COL6A6: variants seen among roughly 807,000 people sequenced by gnomAD.
COL6A6 encodes collagen type VI alpha 6 chain.
COL6A6 carries 183 observed loss-of-function variants against 208.6 expected under a neutral mutation model. The observed-to-expected ratio is 0.88, with a 90% CI of 0.78 to 0.99. The LOEUF (loss-of-function observed/expected upper bound fraction) is 0.99. COL6A6 is among the 50% of genes least tolerant of loss of function. The probability of loss-of-function intolerance (pLI) is 0.00; values close to 1 mark genes in which losing one functional copy is unlikely to be tolerated. For missense variants in COL6A6, 2,816 were observed against 2,815.2 expected (o/e 1.00, Z -0.01); for synonymous variants, 973 against 1,011.8 (o/e 0.96, Z 0.73).
rs138105292 is a variant in COL6A6, at chr3:130,658,630, G to A, written c.5734-46G>A. On this transcript the variant is annotated intron_variant, in intron 33 of 36. Coordinates refer to ENST00000358511, the MANE Select transcript of COL6A6 (RefSeq NM_001102608.3). ...CTCTATGTAGTCCTAAGAGGTTCTTGCAGCCCTACCCACTAAGTTCTTTCT... is the reference window on the plus strand; with the variant it reads ...CTCTATGTAGTCCTAAGAGGTTCTTACAGCCCTACCCACTAAGTTCTTTCT... 4.4e-4 allele frequency: 571 copies of A among 1,294,452 alleles called. 5 individuals carry two copies. The East Asian group carries it at 9.8e-3, about 22-fold the overall frequency. 80.2% of individuals were successfully genotyped at this position (1,294,452 alleles called of 1,614,324 possible).
In COL6A6 at chr3:130,669,848, C is replaced by G. The variant is rs936940375; in HGVS notation, c.6596+4752C>G. 7.2e-5 allele frequency among the ~76,000 whole-genome samples: 11 copies of G among 152,298 alleles called. No homozygotes were observed. The South Asian group carries it at 2.1e-3, about 29-fold the overall frequency. On this transcript the variant is annotated intron_variant, in intron 36 of 36. Coordinates refer to ENST00000358511, the MANE Select transcript of COL6A6 (RefSeq NM_001102608.3). ...AATAAGTGAAATCAAATGGGAGTGTCTCTATTTCTGTGGTAAATTATTCTG... is the reference window on the plus strand; with the variant it reads ...AATAAGTGAAATCAAATGGGAGTGTGTCTATTTCTGTGGTAAATTATTCTG...
rs1267302211 is a variant in COL6A6 at position 130,568,523 on chromosome 3, A to G, written c.2320A>G (p.Met774Val). ...QLEEISGRPE[M>V]VFYVENFDIL... ...TGAGGAGATCAGTGGGAGGCCCGAGATGGTTTTTTATGTTGAGAATTTTGA... is the reference window on the plus strand; with the variant it reads ...TGAGGAGATCAGTGGGAGGCCCGAGGTGGTTTTTTATGTTGAGAATTTTGA... The change falls in exon 6 of 37, where the codon ATG becomes GTG. Residue 774 changes from methionine (M) to valine (V), a missense_variant. Coordinates refer to ENST00000358511, the MANE Select transcript of COL6A6 (RefSeq NM_001102608.3). 1.9e-6 allele frequency: 3 copies of G among 1,612,596 alleles called. No homozygotes were observed. Among genetic ancestry groups the G allele is most frequent in the Non-Finnish European group, 2.5e-6 (3 of 1,179,872 alleles).
intron 1 of COL6A6, among the ~76,000 whole-genome samples, chr3:130,555,580 A>G (rs561212059): frequency 6.6e-6 from 1 of 152,096 alleles, no homozygotes; most frequent in South Asian, 2.1e-4. Context: ...AGAGTGGATC[A>G]CCTTTTCCTT....
At chr3:130,571,922 A>G (rs1277239087) in intron 7 of COL6A6, among the ~76,000 whole-genome samples, 2 of 142,102 alleles carry the variant, frequency 1.4e-5, no homozygotes, top group Non-Finnish European at 3.0e-5. Context: ...GATTCAAGCC[A>G]TCTGCCCCCC....
At chr3:130,669,067 A>AT (rs1308061791) in intron 36 of COL6A6, among the ~76,000 whole-genome samples, 1 of 152,212 alleles carries the variant, frequency 6.6e-6, no homozygotes, top group Non-Finnish European at 1.5e-5. Context: ...TACAATCCAC[A>AT]TTGTCTGACC....
Position 130,563,478 on chromosome 3 carries a change from G to A in COL6A6, c.475G>A (p.Val159Met), listed in dbSNP as rs773211435. The stretch of plus-strand genomic sequence containing the variant: ...ATCAAAGGCCCTGCGGAAAGACGGA[G>A]TGAAAATCATCTCTGTAGGGGTGCA... ...EASKALRKDGVKIISVGVQKA... is the reference protein window; with the variant it reads ...EASKALRKDGMKIISVGVQKA... The change falls in exon 3 of 37, where the codon GTG (valine) becomes ATG (methionine). Residue 159 changes from valine (V) to methionine (M), a missense_variant. Transcript: ENST00000358511. 1.2e-5 allele frequency: 19 copies of A among 1,613,936 alleles called. No homozygotes were observed. The African/African-American group carries it at 1.5e-4, about 12-fold the overall frequency.
intron 1 of COL6A6, among the ~76,000 whole-genome samples, chr3:130,541,823 TTTA>T (rs1354108283): frequency 6.6e-6 from 1 of 152,214 alleles, no homozygotes; most frequent in Non-Finnish European, 1.5e-5. Context: ...GTTTTGGAAG[TTTA>T]TTATTTATTT....
rs1269703296 is a variant in COL6A6 at position 130,589,101 on chromosome 3, T to C, written c.4137T>C (p.Ala1379=). 1.2e-6 allele frequency: 2 copies of C among 1,613,628 alleles called. No homozygotes were observed. Among genetic ancestry groups the C allele is most frequent in the Non-Finnish European group, 1.7e-6 (2 of 1,179,698 alleles). ...TACCCTCTCCCAAGGTCAATGTTGC[T>C]GAAAGGACATGCTGCTGTTTGTTCT... ...SRLSKQLVNV[A]ERTCCCLFCK... Residue 1379 remains alanine (A), a synonymous_variant, in exon 12 of 37, where the codon GCT becomes GCC. Transcript: ENST00000358511.
rs1260879886 is a variant in COL6A6, at chr3:130,566,971, G to A, written c.1552G>A (p.Ala518Thr). Reference sequence around the variant, plus strand: ...GGGTGGGAATACAAACACAGGCGCAGCACTGAATTTCACACTGAGTCTGTT... The same window carrying A: ...GGGTGGGAATACAAACACAGGCGCAACACTGAATTTCACACTGAGTCTGTT... Reference protein sequence around the residue: ...QMGGNTNTGAALNFTLSLLQK... With the variant: ...QMGGNTNTGATLNFTLSLLQK... Residue 518 changes from alanine to threonine, a missense_variant, in exon 5 of 37, where the codon GCA (alanine) becomes ACA (threonine). Transcript: ENST00000358511. 3.1e-6 allele frequency: 5 copies of A among 1,614,066 alleles called. No individual in the cohort carries two copies. Among genetic ancestry groups the A allele is most frequent in the Non-Finnish European group, 4.2e-6 (5 of 1,179,896 alleles).
At chr3:130,549,963 C>T (rs1360608239) in intron 1 of COL6A6, among the ~76,000 whole-genome samples, 1 of 152,012 alleles carries the variant, frequency 6.6e-6, no homozygotes, top group African/African-American at 2.4e-5. Flanking sequence ...AATGTATTTC[C>T]ATTTGTTTGT....
At chr3:130,642,953 G>T in intron 30 of COL6A6, 34 bp from the exon 31 acceptor site, 1 of 1,613,700 alleles carries the variant, frequency 6.2e-7, no homozygotes, top group South Asian at 1.1e-5. Context: ...GCAGTTTGTT[G>T]TTTAATTGTT....
intron 8 of COL6A6, among the ~76,000 whole-genome samples, chr3:130,580,432 T>G (rs983916420): frequency 6.6e-6 from 1 of 152,156 alleles, no homozygotes; most frequent in African/African-American, 2.4e-5. Flanking sequence ...CAATTCTCAT[T>G]AAAAATCAAG....
At chr3:130,531,926 C>T (rs1458654141) in intron 1 of COL6A6, among the ~76,000 whole-genome samples, 1 of 152,022 alleles carries the variant, frequency 6.6e-6, no homozygotes, top group Non-Finnish European at 1.5e-5. Context: ...AAAGAAAAAC[C>T]ATGCCTTTTT....
chr3:130,568,371 G>A lies in COL6A6; in HGVS notation c.2168G>A (p.Arg723Lys). 6.2e-7 allele frequency: 1 copy of A among 1,613,946 alleles called. No individual in the cohort carries two copies. The highest frequency in any genetic ancestry group is 8.5e-7 in the Non-Finnish European group (1 of 1,179,874). The change falls in exon 6 of 37, where the codon AGA (arginine) becomes AAA (lysine). Residue 723 changes from arginine to lysine, a missense_variant. By Grantham distance (26) the Arg-to-Lys change is conservative (BLOSUM62 2). Coordinates refer to ENST00000358511, the MANE Select transcript of COL6A6 (RefSeq NM_001102608.3). ...SPTKGARPNI[R>K]KFLILITDGE... is the part of the protein sequence containing the mutation. ...ACCAAGGGCGCCCGGCCCAACATCAGAAAGTTTCTCATCCTCATCACGGAT... is the reference window on the plus strand; with the variant it reads ...ACCAAGGGCGCCCGGCCCAACATCAAAAAGTTTCTCATCCTCATCACGGAT...
intron 32 of COL6A6, among the ~76,000 whole-genome samples, chr3:130,646,134 TAAAGTA>T (rs1002129472): frequency 1.3e-4 from 20 of 151,880 alleles, no homozygotes; most frequent in Admixed American, 1.2e-3. Context: ...CCCTAAAACT[TAAAGTA>T]TAATAATAAT....
intron 1 of COL6A6, among the ~76,000 whole-genome samples, chr3:130,535,923 C>A (rs2062213675): frequency 6.6e-6 from 1 of 152,160 alleles, no homozygotes; most frequent in Non-Finnish European, 1.5e-5. Flanking sequence ...AGAAAAGTTA[C>A]CTAGCTTCTG....
At chr3:130,552,165 C>T (rs2107804566) in intron 1 of COL6A6, among the ~76,000 whole-genome samples, 1 of 152,164 alleles carries the variant, frequency 6.6e-6, no homozygotes. Flanking sequence ...CCATTTGGTC[C>T]AGTGTCTAGT....
intron 23 of COL6A6, among the ~76,000 whole-genome samples, chr3:130,613,811 C>T (rs1346803154): frequency 3.3e-5 from 5 of 152,052 alleles, no homozygotes; most frequent in Admixed American, 6.6e-5. Context: ...ATTTGGCTCT[C>T]GGCTTGTATG....
At chr3:130,673,279 T>G (rs1397231170) in intron 36 of COL6A6, among the ~76,000 whole-genome samples, 1 of 146,532 alleles carries the variant, frequency 6.8e-6, no homozygotes, top group African/African-American at 2.5e-5. Flanking sequence ...AAACGGAAAT[T>G]CAAAGATATG....
Sources: gnomAD v4.1 joint callset for allele counts (sites outside exome capture counted in the v4.1 genomes callset) on GRCh38, gnomAD v4.1.1 for gene constraint, MANE v1.5 for transcripts, NCBI Gene and HGNC (gene_info 2026-07-23, HGNC 2026-07-21) for gene names.